Variants in ALDH5A1 observed in about 807,000 individuals in gnomAD.
ALDH5A1 encodes aldehyde dehydrogenase 5 family member A1, also known as succinate-semialdehyde dehydrogenase, mitochondrial.
In ALDH5A1, 33 loss-of-function variants were observed where a neutral mutation model predicts 54.7. The ratio of observed to expected loss-of-function variants is 0.60; its 90% CI spans 0.46 to 0.81. The LOEUF is 0.81. Ranked by LOEUF, ALDH5A1 falls within the 30% of genes least tolerant of loss-of-function variation. The pLI is 0.00. For synonymous variants in ALDH5A1, 294 were observed against 292.7 expected (o/e 1.00, Z -0.05); for missense variants, 657 against 711.0 (o/e 0.92, Z 0.86).
At chr6:24,513,265 A>G (rs982157826) in intron 4 of ALDH5A1, among the ~76,000 whole-genome samples, 6 of 151,750 alleles carry the variant, frequency 4.0e-5, no homozygotes, top group African/African-American at 1.2e-4. Flanking sequence ...GGGTCTCACT[A>G]TGTTGCGTAG....
At chr6:24,519,892 A>C (rs2127387127) in intron 5 of ALDH5A1, among the ~76,000 whole-genome samples, 1 of 152,074 alleles carries the variant, frequency 6.6e-6, no homozygotes, top group African/African-American at 2.4e-5. Context: ...TATGATTTTT[A>C]AGCCCATCAT....
intron 7 of ALDH5A1, among the ~76,000 whole-genome samples, chr6:24,526,827 A>C (rs1267620210): frequency 2.8e-5 from 4 of 142,362 alleles, no homozygotes; most frequent in Non-Finnish European, 6.0e-5. Flanking sequence ...TGAAAAGGGA[A>C]TATATATATA....
chr6:24,521,874 TTTTTTTTTGTGTGA>T (rs1759690142), intron 6 of ALDH5A1, among the ~76,000 whole-genome samples: 1 of 136,326 alleles, frequency 7.3e-6, no homozygotes, highest in Non-Finnish European at 1.6e-5. Flanking sequence ...TTTTTTTTTT[TTTTTTTTTGTGTGA>T]CAGAGTCTCA....
chr6:24,508,369 A>AT (rs368079747), intron 4 of ALDH5A1, among the ~76,000 whole-genome samples: 27,756 of 84,318 alleles, frequency 0.33, 5,091 homozygotes, highest in Non-Finnish European at 0.42. Context: ...TCCAAAAAAA[A>AT]AAAAAAAAAA....
intron 8 of ALDH5A1, 41 bp from the exon 9 acceptor site, chr6:24,532,078 C>CT: frequency 6.3e-7 from 1 of 1,588,016 alleles, no homozygotes; most frequent in Non-Finnish European, 8.6e-7. Flanking sequence ...TTCCTTTCCT[C>CT]TCCCCCTTAC....
chr6:24,505,182 G>A (rs547128440), intron 4 of ALDH5A1, among the ~76,000 whole-genome samples, 197 bp downstream of exon 4: 13 of 152,326 alleles, frequency 8.5e-5, no homozygotes, highest in Middle Eastern at 3.4e-3. Flanking sequence ...GGGATCTTCT[G>A]ACATCTGCAG....
intron 4 of ALDH5A1, among the ~76,000 whole-genome samples, chr6:24,507,165 T>C (rs2127383639): frequency 6.6e-6 from 1 of 152,346 alleles, no homozygotes; most frequent in East Asian, 1.9e-4. Flanking sequence ...TTACCACCAG[T>C]GCTTATGTTA....
At chr6:24,532,086 T>TA (rs763170188) in intron 8 of ALDH5A1, 33 bp from the exon 9 acceptor site, 1 of 1,606,590 alleles carries the variant, frequency 6.2e-7, no homozygotes, top group Non-Finnish European at 8.5e-7. Context: ...CTCTCCCCCT[T>TA]ACATTTTTTA....
chr6:24,499,101 C>CAAAA (rs35062384), intron 1 of ALDH5A1, among the ~76,000 whole-genome samples: 1 of 91,256 alleles, frequency 1.1e-5, no homozygotes. Context: ...GACTCTGTCT[C>CAAAA]AAAAAAAAAA....
intron 7 of ALDH5A1, among the ~76,000 whole-genome samples, chr6:24,526,962 AT>A (rs1561878625): frequency 1.8e-3 from 20 of 10,900 alleles, no homozygotes; most frequent in Admixed American, 0.011. Context: ...TAATATATAT[AT>A]ATGTGTGTGT....
At chr6:24,530,672 G>T (rs927137560) in intron 8 of ALDH5A1, among the ~76,000 whole-genome samples, 1 of 152,238 alleles carries the variant, frequency 6.6e-6, no homozygotes, top group Non-Finnish European at 1.5e-5. Context: ...TTCCGCTGGG[G>T]TATTTTGCAG....
At chr6:24,505,665 C>A (rs377245415) in intron 4 of ALDH5A1, among the ~76,000 whole-genome samples, 2 of 152,104 alleles carry the variant, frequency 1.3e-5, no homozygotes, top group African/African-American at 2.4e-5. Flanking sequence ...TCCATGGCCA[C>A]CCTGTCTAAA....
intron 7 of ALDH5A1, among the ~76,000 whole-genome samples, chr6:24,524,016 C>T (rs1372719159): frequency 2.8e-5 from 4 of 141,528 alleles, no homozygotes; most frequent in Non-Finnish European, 4.5e-5. Context: ...GACGGCGTCT[C>T]GCTCTGTTGC....
At chr6:24,511,898 A>T in intron 4 of ALDH5A1, 1 of 592,400 alleles carries the variant, frequency 1.7e-6, no homozygotes, top group Non-Finnish European at 3.1e-6. Flanking sequence ...GGGGGGTGTT[A>T]AAGAATCTTG....
At chr6:24,513,564 C>T (rs562731178) in intron 4 of ALDH5A1, among the ~76,000 whole-genome samples, 1 of 152,222 alleles carries the variant, frequency 6.6e-6, no homozygotes, top group South Asian at 2.1e-4. Flanking sequence ...TGGCTCCATC[C>T]CCTTCCCCTG....
Position 24,536,086 on chromosome 6 carries a change from A to C in ALDH5A1, c.*2374A>C, listed in dbSNP as rs1760042196. On this transcript the variant is annotated 3_prime_UTR_variant, in exon 10 of 10. Coordinates refer to ENST00000357578, the MANE Select transcript of ALDH5A1 (RefSeq NM_001080.3). ...GCCCTTGGTTGTGGGAAGAAAGAGA[A>C]TTATTTTTAACTGAACGTTTTTGTT... The C allele has an allele frequency of 6.6e-6, 1 of 152,192 alleles. No individual in the cohort carries two copies. The highest frequency in any genetic ancestry group is 2.1e-4 in the South Asian group (1 of 4,822). 9.4% of individuals were successfully genotyped at this position (152,192 alleles called of 1,614,324 possible).
rs1760019628 is a variant in ALDH5A1 at position 24,535,074 on chromosome 6, G to A, written c.*1362G>A. The A allele has an allele frequency of 6.6e-6, 1 of 152,246 alleles. No individual in the cohort carries two copies. Among genetic ancestry groups the A allele is most frequent in the Non-Finnish European group, 1.5e-5 (1 of 68,048 alleles). 9.4% of individuals were successfully genotyped at this position (152,246 alleles called of 1,614,324 possible). On this transcript the variant is annotated 3_prime_UTR_variant, in exon 10 of 10. Transcript: ENST00000357578. ...GATGCAAATCCAATTAGGCGGCCAA[G>A]TAGGTGGAGACGAAGCACCTTCCTT...
At chr6:24,532,307 C>A in intron 9 of ALDH5A1, 130 bp downstream of exon 9, 2 of 922,946 alleles carry the variant, frequency 2.2e-6, no homozygotes, top group Non-Finnish European at 3.5e-6. Context: ...TGTTGCTTTC[C>A]AAGTGGTGGA....
intron 8 of ALDH5A1, among the ~76,000 whole-genome samples, chr6:24,530,566 C>T (rs1445091869): frequency 6.6e-6 from 1 of 152,106 alleles, no homozygotes; most frequent in Non-Finnish European, 1.5e-5. Flanking sequence ...GGTTTGTGCT[C>T]CTCATACATT....
Sources: gnomAD v4.1 joint callset for allele counts (sites outside exome capture counted in the v4.1 genomes callset) on GRCh38, gnomAD v4.1.1 for gene constraint, MANE v1.5 for transcripts, NCBI Gene and HGNC (gene_info 2026-07-23, HGNC 2026-07-21) for gene names.